ABHD10: variants seen among roughly 807,000 people sequenced by gnomAD.
ABHD10 encodes palmitoyl-protein thioesterase ABHD10, mitochondrial.
ABHD10 carries 22 observed loss-of-function variants against 33.1 expected under a neutral mutation model. That is an observed-to-expected ratio of 0.66 (90% CI 0.47 to 0.95). ABHD10 has a LOEUF of 0.95. Among genes scored for constraint, ABHD10 ranks in the 40% least tolerant of loss-of-function variants. The pLI is 0.00. For missense variants in ABHD10, 352 were observed against 379.9 expected, an observed-to-expected ratio of 0.93 and a Z score of 0.61; for synonymous variants, 146 against 133.9, an observed-to-expected ratio of 1.09 and a Z score of -0.62.
At chr3:111,986,823 ACTTT>A in intron 3 of ABHD10, 87 bp from the exon 4 acceptor site, 1 of 909,944 alleles carries the variant, frequency 1.1e-6, no homozygotes, top group Non-Finnish European at 1.6e-6. Flanking sequence ...TTCTATTTTT[ACTTT>A]CTAATTTTTT....
intron 2 of ABHD10, among the ~76,000 whole-genome samples, chr3:111,984,841 C>T (rs1025888143): frequency 6.6e-6 from 1 of 152,108 alleles, no homozygotes; most frequent in Non-Finnish European, 1.5e-5. Context: ...CACCAAGATA[C>T]TGGACTTACC....
intron 2 of ABHD10, among the ~76,000 whole-genome samples, chr3:111,983,633 T>G (rs115623129): frequency 0.012 from 1,766 of 152,306 alleles, 19 homozygotes; most frequent in Non-Finnish European, 0.018. Context: ...TTCAGGTTGC[T>G]TTTGTTGGGA....
chr3:111,981,433 C>A (rs1165990223), intron 1 of ABHD10, among the ~76,000 whole-genome samples: 1 of 151,862 alleles, frequency 6.6e-6, no homozygotes, highest in Non-Finnish European at 1.5e-5. Flanking sequence ...GCGGGTAAAT[C>A]TGAATGTTGA....
At chr3:111,983,324 T>G (rs1280402319) in intron 2 of ABHD10, among the ~76,000 whole-genome samples, 1 of 152,180 alleles carries the variant, frequency 6.6e-6, no homozygotes, top group Admixed American at 6.5e-5. Flanking sequence ...ATCACTTTTC[T>G]TTTTTGCCAC....
chr3:111,982,783 G>A (rs1408750340), intron 2 of ABHD10, among the ~76,000 whole-genome samples: 1 of 152,098 alleles, frequency 6.6e-6, no homozygotes, highest in Non-Finnish European at 1.5e-5. Flanking sequence ...TTAGAAGAGT[G>A]ACTCACAAAC....
At position 111,992,580 on chromosome 3, in the gene ABHD10, T is replaced by A. The variant is rs542128450; in HGVS notation, c.*859T>A. On this transcript the variant is annotated 3_prime_UTR_variant, in exon 5 of 5. Coordinates refer to ENST00000273359, the MANE Select transcript of ABHD10 (RefSeq NM_018394.4). ...TGTGAAATGCTAGTATAAAGGTTAT[T>A]TTTTTTCTTTCCTAAATAACTAAAG... is the stretch of plus-strand genomic sequence containing the variant. The A allele has an allele frequency of 1.4e-4, 21 of 152,228 alleles. No homozygotes were observed. In the East Asian group the frequency reaches 3.5e-3, roughly 25 times the overall value. 9.4% of individuals were successfully genotyped at this position (152,228 alleles called of 1,614,324 possible).
At chr3:111,990,622 T>A (rs2072727757) in intron 4 of ABHD10, 1 of 556,378 alleles carries the variant, frequency 1.8e-6, no homozygotes, top group Non-Finnish European at 2.9e-6. Flanking sequence ...ATACAGATAT[T>A]ATTGTTTGGC....
At chr3:111,980,429 G>GAA (rs2072567846) in intron 1 of ABHD10, among the ~76,000 whole-genome samples, 1 of 152,074 alleles carries the variant, frequency 6.6e-6, no homozygotes, top group African/African-American at 2.4e-5. Context: ...CAGCACACAT[G>GAA]GATTCTCTTC....
In ABHD10 at chr3:111,992,528, G is replaced by A. The variant is rs892392861; in HGVS notation, c.*807G>A. On this transcript the variant is annotated 3_prime_UTR_variant, in exon 5 of 5. Transcript: ENST00000273359. ...AGGCAAGTGATTGCCACCTAAATCA[G>A]AAGACGTTCTAAAGTCAGTAAGAAA... 2 of 152,000 alleles carry A rather than the reference G, an allele frequency of 1.3e-5. No individual in the cohort carries two copies. The highest frequency in any genetic ancestry group is 2.9e-5 in the Non-Finnish European group (2 of 67,982). 9.4% of individuals were successfully genotyped at this position (152,000 alleles called of 1,614,324 possible).
At chr3:111,981,311 CA>C (rs11301143) in intron 1 of ABHD10, among the ~76,000 whole-genome samples, 29,627 of 91,322 alleles carry the variant, frequency 0.32, 2,388 homozygotes, top group East Asian at 0.48. Flanking sequence ...GACCCTGTCT[CA>C]AAAAAAAAAA....
chr3:111,990,645 T>A lies in ABHD10; in HGVS notation c.577-732T>A, dbSNP rs142176165. ...ATTATTGTTTGGCTTTCAGGAAGTA[T>A]GTGGAAGACTTCTTTGTCATCCAGA... On this transcript the variant is annotated intron_variant, in intron 4 of 4. Transcript: ENST00000273359. 1.4e-3 allele frequency: 1,057 copies of A among 743,280 alleles called. 5 individuals carry two copies. The highest frequency in any genetic ancestry group is 9.5e-3 in the African/African-American group (523 of 54,790). The allele number at this position is 743,280 out of a possible 1,614,324, so 46.0% of individuals were successfully genotyped here.
intron 1 of ABHD10, 112 bp downstream of exon 1, chr3:111,979,315 C>T (rs2072546949): frequency 7.7e-7 from 1 of 1,290,772 alleles, no homozygotes; most frequent in Middle Eastern, 1.9e-4. Flanking sequence ...ATGCTCCTCC[C>T]CCTTTCTCAA....
chr3:111,982,085 T>C (rs925838203), intron 2 of ABHD10, 118 bp downstream of exon 2: 1 of 848,654 alleles, frequency 1.2e-6, no homozygotes. Flanking sequence ...TTTAATGGTC[T>C]GTAAACTTGC....
chr3:111,988,492 CAT>C (rs983635361), intron 4 of ABHD10, among the ~76,000 whole-genome samples: 1 of 151,890 alleles, frequency 6.6e-6, no homozygotes, highest in African/African-American at 2.4e-5. Context: ...ATCTCAAAGA[CAT>C]AGCAGATTGA....
rs1384442554 is a variant in ABHD10 at position 111,992,072 on chromosome 3, A to C, written c.*351A>C. On this transcript the variant is annotated 3_prime_UTR_variant, in exon 5 of 5. Coordinates refer to ENST00000273359, the MANE Select transcript of ABHD10 (RefSeq NM_018394.4). ...ATAAAGCGTGAATATTTTGTTTTTT[A>C]TTATAGACAGAAATTTGTAACATTA... 1 of 161,222 alleles carries C rather than the reference A, an allele frequency of 6.2e-6. No homozygotes were observed. The highest frequency in any genetic ancestry group is 2.4e-5 in the African/African-American group (1 of 41,700). The allele number at this position is 161,222 out of a possible 1,614,324, so 10.0% of individuals were successfully genotyped here. A position where few individuals can be genotyped will look rare whatever the true frequency, so the allele number is the denominator to read the frequency against.
rs2072661693 is a variant in ABHD10, at chr3:111,986,369, G to A, written c.432G>A (p.Gly144=). The A allele has an allele frequency of 2.5e-6, 4 of 1,603,530 alleles. No individual in the cohort carries two copies. Among genetic ancestry groups the A allele is most frequent in the East Asian group, 4.5e-5 (2 of 44,794 alleles). Residue 144 remains glycine (G), a synonymous_variant, in exon 3 of 5, where the codon GGG becomes GGA. Transcript: ENST00000273359. ...CTATAATTGATGACTTAGCTGATGG[G>A]CCACAGGTGACTGTTTTGTTAAGTA... ...VLSIIDDLAD[G]PQILVGSSLG... is the part of the protein sequence containing the mutation.
Position 111,991,415 on chromosome 3 carries a change from G to A in ABHD10, c.615G>A (p.Met205Ile), listed in dbSNP as rs758632472. 1.9e-6 allele frequency: 3 copies of A among 1,612,942 alleles called. No homozygotes were observed. The highest frequency in any genetic ancestry group is 1.1e-5 in the South Asian group (1 of 90,804). Residue 205 changes from methionine (M) to isoleucine (I), a missense_variant, in exon 5 of 5, where the codon ATG becomes ATA. Met to Ile is a conservative substitution (Grantham distance 10, BLOSUM62 1). Coordinates refer to ENST00000273359, the MANE Select transcript of ABHD10 (RefSeq NM_018394.4). ...TAGAGATGAAAGGTGTGTGGAGCATGCCATCAAAATACTCTGAAGAAGGAG... is the reference window on the plus strand; with the variant it reads ...TAGAGATGAAAGGTGTGTGGAGCATACCATCAAAATACTCTGAAGAAGGAG... ...KEVEMKGVWS[M>I]PSKYSEEGVY...
intron 4 of ABHD10, among the ~76,000 whole-genome samples, chr3:111,990,021 T>A (rs1490372648): frequency 6.6e-6 from 1 of 152,054 alleles, no homozygotes; most frequent in Non-Finnish European, 1.5e-5. Context: ...CCTTATTTTT[T>A]AAAATTTTTG....
intron 1 of ABHD10, among the ~76,000 whole-genome samples, chr3:111,979,790 TA>T (rs1339020125): frequency 2.1e-5 from 3 of 144,620 alleles, no homozygotes; most frequent in Non-Finnish European, 4.6e-5. Context: ...TAGATCCTTT[TA>T]TTTTTTTGGC....
Sources: gnomAD v4.1 joint callset for allele counts (sites outside exome capture counted in the v4.1 genomes callset) on GRCh38, gnomAD v4.1.1 for gene constraint, MANE v1.5 for transcripts, NCBI Gene and HGNC (gene_info 2026-07-23, HGNC 2026-07-21) for gene names.